Variants in STX8 observed in about 807,000 individuals in gnomAD.
STX8 encodes syntaxin-8.
Under a neutral mutation model 37.5 loss-of-function variants are expected in STX8, and 23 were observed. That is an observed-to-expected ratio of 0.61 (90% CI 0.44 to 0.87). The LOEUF (loss-of-function observed/expected upper bound fraction) is 0.87. Among genes scored for constraint, STX8 ranks in the 40% least tolerant of loss-of-function variants. STX8 has a pLI of 0.00. For synonymous variants in STX8, 115 were observed against 99.1 expected, an observed-to-expected ratio of 1.16 and a Z score of -0.95; for missense variants, 313 against 284.7, an observed-to-expected ratio of 1.10 and a Z score of -0.71.
chr17:9,481,730 C>A (rs1467519569), intron 6 of STX8, among the ~76,000 whole-genome samples: 1 of 152,194 alleles, frequency 6.6e-6, no homozygotes, highest in Non-Finnish European at 1.5e-5. Flanking sequence ...AGGACGTGAG[C>A]AGCAGGCAAG....
chr17:9,326,000 A>T lies in STX8; in HGVS notation c.643+52552T>A, dbSNP rs1909739378. ...TGGTCTCTGGTGTCCAGCGCTAGCC[A>T]TGCTAGCTAGTGGGAAAAGGTTGGG... is the stretch of plus-strand genomic sequence containing the variant. On this transcript the variant is annotated intron_variant, in intron 7 of 7. Transcript: ENST00000306357. Among the ~76,000 whole-genome samples, 3 of 152,188 alleles carry T rather than the reference A, an allele frequency of 2.0e-5. No homozygotes were observed. In the South Asian group the frequency reaches 6.2e-4, roughly 32 times the overall value.
At chr17:9,324,025 G>A (rs563514620) in intron 7 of STX8, among the ~76,000 whole-genome samples, 2 of 152,022 alleles carry the variant, frequency 1.3e-5, no homozygotes, top group Admixed American at 1.3e-4. Context: ...GATTTTAACA[G>A]ATGAGAAAAC....
intron 4 of STX8, among the ~76,000 whole-genome samples, chr17:9,516,322 T>C (rs1597719586): frequency 8.2e-6 from 1 of 121,504 alleles, no homozygotes; most frequent in South Asian, 2.4e-4. Context: ...TATATATATA[T>C]ATATATATAT....
intron 6 of STX8, among the ~76,000 whole-genome samples, chr17:9,451,422 T>A (rs746877926): frequency 6.6e-6 from 1 of 152,212 alleles, no homozygotes; most frequent in Non-Finnish European, 1.5e-5. Context: ...AAGTAAGCAC[T>A]AATTCCCTTT....
chr17:9,276,175 A>G (rs1567764393), intron 7 of STX8, among the ~76,000 whole-genome samples: 2 of 152,160 alleles, frequency 1.3e-5, no homozygotes, highest in Admixed American at 6.5e-5. Flanking sequence ...GCTGGCCAGC[A>G]GCCCCTGAGT....
chr17:9,443,748 T>G (rs1028510767), intron 6 of STX8, among the ~76,000 whole-genome samples: 5 of 152,194 alleles, frequency 3.3e-5, no homozygotes, highest in Non-Finnish European at 5.9e-5. Flanking sequence ...TAAGGAGAAA[T>G]GAGGAACCCC....
intron 5 of STX8, among the ~76,000 whole-genome samples, chr17:9,496,717 T>C (rs111723988): frequency 6.6e-6 from 1 of 152,146 alleles, no homozygotes. Flanking sequence ...GGATCCAGTA[T>C]AATCATATGA....
rs552150862 is a variant in STX8 at position 9,282,104 on chromosome 17, T to C, written c.644-31459A>G. Among the ~76,000 whole-genome samples, 4 of 152,304 alleles carry C rather than the reference T, an allele frequency of 2.6e-5. No individual in the cohort carries two copies. In the South Asian group the frequency reaches 8.3e-4, roughly 32 times the overall value. ...ACATTTTATGTTTTTGTACATTTGA[T>C]AAATTTTTGTTTGGTACTGATGACA... On this transcript the variant is annotated intron_variant, in intron 7 of 7. Transcript: ENST00000306357.
intron 3 of STX8, among the ~76,000 whole-genome samples, chr17:9,547,643 A>AG (rs1309518081): frequency 6.2e-5 from 2 of 32,302 alleles, no homozygotes; most frequent in East Asian, 2.0e-3. Flanking sequence ...AAAAAAAGAA[A>AG]AAAGAAAAGA....
rs898008 is a variant in STX8, at chr17:9,507,172, C to T, written c.324-2010G>A. 0.25 allele frequency among the ~76,000 whole-genome samples: 37,998 copies of T among 151,816 alleles called. 4,991 individuals carry two copies. Among genetic ancestry groups the T allele is most frequent in the South Asian group, 0.38 (1,834 of 4,816 alleles). On this transcript the variant is annotated intron_variant, in intron 4 of 7. Coordinates refer to ENST00000306357, the MANE Select transcript of STX8 (RefSeq NM_004853.3). The surrounding 1 kb of genome is among the most constrained non-coding windows in gnomAD (Gnocchi z 4.0). ...CTGCATCCCGGATCTATGAAACAGTCGGGCAGTGCAGCCCCCTACAGACAT... is the reference window on the plus strand; with the variant it reads ...CTGCATCCCGGATCTATGAAACAGTTGGGCAGTGCAGCCCCCTACAGACAT...
At chr17:9,416,818 G>C (rs73973738) in intron 6 of STX8, among the ~76,000 whole-genome samples, 4,492 of 152,304 alleles carry the variant, frequency 0.029, 238 homozygotes, top group African/African-American at 0.1. Flanking sequence ...AATGTACACA[G>C]TTAGAGGATA....
intron 6 of STX8, among the ~76,000 whole-genome samples, chr17:9,427,395 T>C (rs1194890866): frequency 2.0e-5 from 3 of 152,052 alleles, no homozygotes; most frequent in African/African-American, 7.2e-5. Flanking sequence ...GACTTGTGTG[T>C]TGAAGGAGCA....
intron 6 of STX8, among the ~76,000 whole-genome samples, chr17:9,420,697 C>G (rs568745642): frequency 6.6e-6 from 1 of 152,278 alleles, no homozygotes; most frequent in Admixed American, 6.5e-5. Flanking sequence ...CACTCACAAC[C>G]CACTACAACT....
intron 7 of STX8, among the ~76,000 whole-genome samples, chr17:9,264,930 A>G (rs1907178952): frequency 6.6e-6 from 1 of 151,828 alleles, no homozygotes; most frequent in Non-Finnish European, 1.5e-5. Flanking sequence ...CCTAGGCTCC[A>G]TAGGGAGACC....
chr17:9,318,810 T>C (rs567060367), intron 7 of STX8, among the ~76,000 whole-genome samples: 1 of 152,302 alleles, frequency 6.6e-6, no homozygotes, highest in Non-Finnish European at 1.5e-5. Context: ...GTTTAGAATA[T>C]AGTTCAACAA....
chr17:9,545,808 T>C (rs1906484278), intron 3 of STX8, among the ~76,000 whole-genome samples: 1 of 152,226 alleles, frequency 6.6e-6, no homozygotes, highest in Non-Finnish European at 1.5e-5. Flanking sequence ...CTCGAACTCA[T>C]GACCTCAGGT....
At chr17:9,489,767 C>A (rs1277218384) in intron 6 of STX8, among the ~76,000 whole-genome samples, 1 of 145,896 alleles carries the variant, frequency 6.9e-6, no homozygotes, top group Non-Finnish European at 1.5e-5. Flanking sequence ...CGGCTCACTG[C>A]AACGTCTGCC....
At chr17:9,484,050 T>C (rs957858195) in intron 6 of STX8, among the ~76,000 whole-genome samples, 2 of 152,218 alleles carry the variant, frequency 1.3e-5, no homozygotes, top group Non-Finnish European at 1.5e-5. Flanking sequence ...TTAGCAACCA[T>C]GTAGTAAACA....
intron 7 of STX8, among the ~76,000 whole-genome samples, chr17:9,313,148 G>A (rs992397920): frequency 2.6e-5 from 4 of 152,156 alleles, no homozygotes; most frequent in Admixed American, 6.5e-5. Flanking sequence ...CCGAGATCAC[G>A]CCATTGCATT....
Sources: gnomAD v4.1 joint callset for allele counts (sites outside exome capture counted in the v4.1 genomes callset) on GRCh38, gnomAD v4.1.1 for gene constraint, Gnocchi (gnomAD v3.1) non-coding constraint, MANE v1.5 for transcripts, NCBI Gene and HGNC (gene_info 2026-07-23, HGNC 2026-07-21) for gene names.